Variants in CFAP54 observed in about 807,000 individuals in gnomAD.
CFAP54 encodes the protein cilia- and flagella-associated protein 54.
In CFAP54, 290 loss-of-function variants were observed where a neutral mutation model predicts 370.4. The observed-to-expected ratio is 0.78, with a 90% confidence interval of 0.71 to 0.86. CFAP54 has a LOEUF of 0.86. Among genes scored for constraint, CFAP54 ranks in the 40% least tolerant of loss-of-function variants. The pLI, the probability that CFAP54 is intolerant of heterozygous loss-of-function variation, is 0.00. For synonymous variants in CFAP54, 1,206 were observed against 1,236.5 expected, an observed-to-expected ratio of 0.98 and a Z score of 0.52; for missense variants, 3,399 against 3,528.7, an observed-to-expected ratio of 0.96 and a Z score of 0.93.
chr12:96,554,197 C>A lies in CFAP54; in HGVS notation c.2170C>A (p.Gln724Lys). ...ATTATTTTAGAAAAATCCTGTGGAA[C>A]AGTTACTTTTTGCTTATAAACTTCT... is the stretch of plus-strand genomic sequence containing the variant. ...LPILQKNPVE[Q>K]LLFAYKLLDR... Residue 724 changes from glutamine to lysine, a missense_variant, in exon 16 of 68, where the codon CAG becomes AAG. Gln to Lys is a moderately conservative substitution (Grantham distance 53, BLOSUM62 1). Transcript: ENST00000524981. 6.6e-7 allele frequency: 1 copy of A among 1,505,192 alleles called. No individual in the cohort carries two copies. The highest frequency in any genetic ancestry group is 2.2e-5 in the Admixed American group (1 of 45,576). The allele number at this position is 1,505,192 out of a possible 1,614,324, so 93.2% of individuals were successfully genotyped here. A position where few individuals can be genotyped will look rare whatever the true frequency, so the allele number is the denominator to read the frequency against.
intron 67 of CFAP54, among the ~76,000 whole-genome samples, chr12:96,869,973 T>C (rs1960113573): frequency 6.7e-6 from 1 of 148,176 alleles, no homozygotes. Flanking sequence ...AGGAAGGTTA[T>C]TACATTTAGG....
chr12:96,817,837 CA>C lies in CFAP54; in HGVS notation c.9021del (p.Ala3008LeufsTer13), dbSNP rs775528679. 2.6e-6 allele frequency: 4 copies of C among 1,516,304 alleles called. No individual in the cohort carries two copies. Among genetic ancestry groups the C allele is most frequent in the Non-Finnish European group, 3.5e-6 (4 of 1,135,476 alleles). The allele number at this position is 1,516,304 out of a possible 1,614,324, so 93.9% of individuals were successfully genotyped here. ...LAQIAELSLP[A>X]APEITSNENI... Reference sequence around the variant, plus strand: ...CAAATAGCTGAACTATCATTGCCAGCAGCTCCTGAAATTACCTCAAATGAAA... The same window carrying C: ...CAAATAGCTGAACTATCATTGCCAGCGCTCCTGAAATTACCTCAAATGAAA... On this transcript the variant is annotated frameshift_variant, in exon 65 of 68. Transcript: ENST00000524981. LOFTEE classifies it high-confidence loss of function.
chr12:96,681,119 C>A (rs1459531106), intron 40 of CFAP54, among the ~76,000 whole-genome samples: 2 of 150,642 alleles, frequency 1.3e-5, no homozygotes, highest in Non-Finnish European at 3.0e-5. Flanking sequence ...AAGCACCCCC[C>A]CACACACACA....
At chr12:96,617,818 G>A (rs1397941837) in intron 26 of CFAP54, among the ~76,000 whole-genome samples, 1 of 151,962 alleles carries the variant, frequency 6.6e-6, no homozygotes, top group East Asian at 1.9e-4. Context: ...GTGAAACCCT[G>A]TCTTTACTAA....
chr12:96,781,250 A>C (rs1289493583), intron 60 of CFAP54, among the ~76,000 whole-genome samples: 1 of 152,154 alleles, frequency 6.6e-6, no homozygotes, highest in Non-Finnish European at 1.5e-5. Context: ...ACTTCTCTCA[A>C]CAAGGAAGAA....
chr12:96,554,195 A>G lies in CFAP54; in HGVS notation c.2168A>G (p.Glu723Gly). ...AAATTATTTTAGAAAAATCCTGTGG[A>G]ACAGTTACTTTTTGCTTATAAACTT... ...ILPILQKNPV[E>G]QLLFAYKLLD... Residue 723 changes from glutamate to glycine, a missense_variant, in exon 16 of 68, where the codon GAA (glutamate) becomes GGA (glycine). Physicochemically the swap from Glu to Gly is moderately conservative, Grantham distance 98 (BLOSUM62 -2). This residue lies in a region of CFAP54 where 2,796 missense variants were observed against 2,869.7 expected (regional missense o/e 0.97). Coordinates refer to ENST00000524981, the MANE Select transcript of CFAP54 (RefSeq NM_001306084.2). The G allele has an allele frequency of 6.6e-7, 1 of 1,504,632 alleles. No homozygotes were observed. Among genetic ancestry groups the G allele is most frequent in the Non-Finnish European group, 8.8e-7 (1 of 1,133,780 alleles). 93.2% of individuals were successfully genotyped at this position (1,504,632 alleles called of 1,614,324 possible). A position where few individuals can be genotyped will look rare whatever the true frequency, so the allele number is the denominator to read the frequency against.
At position 96,592,515 on chromosome 12, in the gene CFAP54, A is replaced by G; in HGVS notation, c.3238A>G (p.Thr1080Ala). Residue 1080 changes from threonine to alanine, a missense_variant, in exon 24 of 68, where the codon ACT (threonine) becomes GCT (alanine). By Grantham distance (58) the Thr-to-Ala change is moderately conservative. Around this residue, in one of 3 missense-constraint regions of CFAP54, gnomAD observed 2,796 missense variants for 2,869.7 expected, o/e 0.97. Coordinates refer to ENST00000524981, the MANE Select transcript of CFAP54 (RefSeq NM_001306084.2). The stretch of plus-strand genomic sequence containing the variant: ...ATTACATTCAGATATTTTGGCAGAG[A>G]CTTCTTCAATCCTCTTGTACCTTTT... ...RRLHSDILAE[T>A]SSILLYLFLR... 1.3e-6 allele frequency: 1 copy of G among 766,404 alleles called. No individual in the cohort carries two copies. The highest frequency in any genetic ancestry group is 2.0e-6 in the Non-Finnish European group (1 of 501,522). 47.5% of individuals were successfully genotyped at this position (766,404 alleles called of 1,614,324 possible). A position where few individuals can be genotyped will look rare whatever the true frequency, so the allele number is the denominator to read the frequency against.
chr12:96,872,450 A>C (rs1357434500), intron 67 of CFAP54, among the ~76,000 whole-genome samples: 6 of 152,212 alleles, frequency 3.9e-5, no homozygotes, highest in Non-Finnish European at 8.8e-5. Context: ...TTGAAAATAG[A>C]AGGATGGAGA....
At chr12:96,510,628 CTATT>C (rs1338899423) in intron 4 of CFAP54, among the ~76,000 whole-genome samples, 3 of 151,994 alleles carry the variant, frequency 2.0e-5, no homozygotes, top group Non-Finnish European at 4.4e-5. Context: ...TACTTGGTGA[CTATT>C]TTTTTTTCCT....
intron 44 of CFAP54, among the ~76,000 whole-genome samples, chr12:96,692,116 G>A (rs1054898854): frequency 1.4e-4 from 21 of 146,876 alleles, no homozygotes; most frequent in Non-Finnish European, 3.0e-5. Flanking sequence ...CGGTATATTT[G>A]TTCTTCTGAA....
intron 36 of CFAP54, 105 bp from the exon 37 acceptor site, chr12:96,657,777 G>A: frequency 1.2e-6 from 1 of 833,746 alleles, no homozygotes; most frequent in Admixed American, 2.4e-5. Flanking sequence ...TTTCTTTTCA[G>A]TTGAGTTCTT....
chr12:96,789,167 G>A (rs944945695), intron 62 of CFAP54, among the ~76,000 whole-genome samples: 1 of 152,138 alleles, frequency 6.6e-6, no homozygotes, highest in African/African-American at 2.4e-5. Context: ...AAAATCTGTT[G>A]CGTGAGGAGC....
chr12:96,764,989 A>G (rs940321298), intron 59 of CFAP54, 88 bp from the exon 60 acceptor site: 3 of 1,012,216 alleles, frequency 3.0e-6, no homozygotes, highest in African/African-American at 2.0e-5. Flanking sequence ...TATTTTATGA[A>G]TTCACTTTTT....
At chr12:96,609,778 T>C (rs1050183810) in intron 26 of CFAP54, among the ~76,000 whole-genome samples, 12 of 152,230 alleles carry the variant, frequency 7.9e-5, no homozygotes, top group Middle Eastern at 6.8e-3. Flanking sequence ...TAGTTAGAAA[T>C]GGAGAGGGTA....
At chr12:96,570,556 A>G (rs752053643) in intron 19 of CFAP54, among the ~76,000 whole-genome samples, 1 of 152,166 alleles carries the variant, frequency 6.6e-6, no homozygotes, top group South Asian at 2.1e-4. Context: ...TTAGGAGTAT[A>G]AGGATCTTGG....
Position 96,654,121 on chromosome 12 carries a change from GA to G in CFAP54, c.5100+2310del, listed in dbSNP as rs1161968327. ...TCATAATCAGAAACCTTCACATAAA[GA>G]AAATTCCAGACCCACAATATTTCTT... is the stretch of plus-strand genomic sequence containing the variant. On this transcript the variant is annotated intron_variant, in intron 36 of 67. Coordinates refer to ENST00000524981, the MANE Select transcript of CFAP54 (RefSeq NM_001306084.2). 4.6e-5 allele frequency among the ~76,000 whole-genome samples: 7 copies of G among 152,190 alleles called. No individual in the cohort carries two copies. In the East Asian group the frequency reaches 1.3e-3, roughly 29 times the overall value.
At chr12:96,721,382 C>T (rs1957751760) in intron 50 of CFAP54, among the ~76,000 whole-genome samples, 1 of 152,130 alleles carries the variant, frequency 6.6e-6, no homozygotes, top group South Asian at 2.1e-4. Context: ...ATTTAGTCAA[C>T]CAGTATCTGT....
intron 46 of CFAP54, among the ~76,000 whole-genome samples, chr12:96,701,122 A>G (rs142886634): frequency 2.9e-4 from 44 of 152,254 alleles, no homozygotes; most frequent in African/African-American, 1.1e-3. Context: ...AGGCAATTGG[A>G]TACATGTATG....
chr12:96,708,583 C>G (rs1478791356), intron 47 of CFAP54, 25 bp from the exon 48 acceptor site: 1 of 1,566,004 alleles, frequency 6.4e-7, no homozygotes, highest in African/African-American at 1.4e-5. Flanking sequence ...CTAATTTGCT[C>G]TTTTTCCTTT....
Sources: gnomAD v4.1 joint callset for allele counts (sites outside exome capture counted in the v4.1 genomes callset) on GRCh38, gnomAD v4.1.1 for gene constraint, gnomAD v4.1.1 regional missense constraint, MANE v1.5 for transcripts, NCBI Gene and HGNC (gene_info 2026-07-23, HGNC 2026-07-21) for gene names.